ASTN2: variants seen among roughly 807,000 people sequenced by gnomAD.
ASTN2 encodes astrotactin-2.
In ASTN2, 54 loss-of-function variants were observed where a neutral mutation model predicts 139.8. The ratio of observed to expected loss-of-function variants is 0.39; its 90% confidence interval spans 0.31 to 0.48. The LOEUF (loss-of-function observed/expected upper bound fraction) is 0.48. Among genes scored for constraint, ASTN2 ranks in the 20% least tolerant of loss-of-function variants. The probability of loss-of-function intolerance (pLI) is 0.95; values close to 1 mark genes in which losing one functional copy is unlikely to be tolerated. For missense variants in ASTN2, 1,565 were observed against 1,725.1 expected (o/e 0.91, Z 1.64); for synonymous variants, 756 against 719.5 (o/e 1.05, Z -0.81).
chr9:116,768,828 T>C lies in ASTN2; in HGVS notation c.2397-35305A>G, dbSNP rs144502375. ...GACTATAAGAAATAAATTTATGTTG[T>C]TTATAGATTATCCAGTTTATGATAT... On this transcript the variant is annotated intron_variant, in intron 13 of 22. Coordinates refer to ENST00000313400, the MANE Select transcript of ASTN2 (RefSeq NM_001365068.1). Among the ~76,000 whole-genome samples the C allele has an allele frequency of 5.6e-3, 851 of 152,326 alleles. 10 individuals are homozygous for C. The highest frequency in any genetic ancestry group is 0.015 in the African/African-American group (607 of 41,570).
intron 1 of ASTN2, among the ~76,000 whole-genome samples, chr9:117,410,287 G>T (rs1290419318): frequency 6.6e-6 from 1 of 152,156 alleles, no homozygotes; most frequent in Non-Finnish European, 1.5e-5. Context: ...GACCCCGGGG[G>T]CTGCCTGGAG....
chr9:116,804,909 A>G (rs1282150135), intron 13 of ASTN2, among the ~76,000 whole-genome samples: 2 of 150,372 alleles, frequency 1.3e-5, no homozygotes, highest in African/African-American at 4.9e-5. Flanking sequence ...TCACTCTACT[A>G]GCTTATGGTT....
chr9:116,751,845 T>A (rs562561223), intron 13 of ASTN2, among the ~76,000 whole-genome samples: 1 of 152,112 alleles, frequency 6.6e-6, no homozygotes, highest in Non-Finnish European at 1.5e-5. Flanking sequence ...AAAACTCTGA[T>A]GAAGGAAATA....
intron 1 of ASTN2, among the ~76,000 whole-genome samples, chr9:117,314,003 A>G (rs778081263): frequency 6.6e-6 from 1 of 152,176 alleles, no homozygotes; most frequent in Non-Finnish European, 1.5e-5. Context: ...TGTGCAAAAC[A>G]AAAGCATTAT....
At chr9:116,532,749 G>T (rs907426751) in intron 19 of ASTN2, among the ~76,000 whole-genome samples, 4 of 152,194 alleles carry the variant, frequency 2.6e-5, no homozygotes, top group Admixed American at 6.5e-5. Flanking sequence ...GTACTATGCT[G>T]TTTTGGTTAC....
chr9:116,978,520 C>CAG (rs747930407), intron 7 of ASTN2, among the ~76,000 whole-genome samples: 3,067 of 146,384 alleles, frequency 0.021, 41 homozygotes, highest in Middle Eastern at 0.045. Context: ...CACACACACA[C>CAG]ACAGAGAGAT....
chr9:117,118,789 A>G (rs1025645869), intron 4 of ASTN2, among the ~76,000 whole-genome samples: 1 of 152,082 alleles, frequency 6.6e-6, no homozygotes, highest in Non-Finnish European at 1.5e-5. Flanking sequence ...TTCTTGTCTC[A>G]GGGTCATAAT....
chr9:116,669,848 C>A (rs1859085364), intron 16 of ASTN2, among the ~76,000 whole-genome samples: 1 of 151,434 alleles, frequency 6.6e-6, no homozygotes, highest in Admixed American at 6.6e-5. Flanking sequence ...CTCTGTCACC[C>A]AGTCTGGAAT....
chr9:117,247,395 A>C (rs566979641), intron 2 of ASTN2, among the ~76,000 whole-genome samples: 1 of 152,238 alleles, frequency 6.6e-6, no homozygotes, highest in Admixed American at 6.5e-5. Context: ...AGTCCCCAGG[A>C]ATGGGAGACA....
At chr9:116,541,784 A>G (rs1388695408) in intron 19 of ASTN2, among the ~76,000 whole-genome samples, 2 of 152,224 alleles carry the variant, frequency 1.3e-5, no homozygotes, top group Non-Finnish European at 2.9e-5. Flanking sequence ...TCAGCTCTCA[A>G]TAAAGACATC....
intron 17 of ASTN2, among the ~76,000 whole-genome samples, chr9:116,634,534 G>A (rs1439834767): frequency 6.8e-6 from 1 of 147,190 alleles, no homozygotes; most frequent in East Asian, 2.0e-4. Context: ...AGCTTGCAGT[G>A]AGCCGAGATC....
intron 19 of ASTN2, among the ~76,000 whole-genome samples, chr9:116,494,213 G>T (rs1188103182): frequency 6.6e-6 from 1 of 152,080 alleles, no homozygotes; most frequent in Admixed American, 6.6e-5. Flanking sequence ...TAGTTTTGAA[G>T]CCAGACCTAC....
At chr9:117,233,667 T>C (rs938992488) in intron 2 of ASTN2, among the ~76,000 whole-genome samples, 4 of 152,098 alleles carry the variant, frequency 2.6e-5, no homozygotes, top group Non-Finnish European at 5.9e-5. Flanking sequence ...CTAAAATAAT[T>C]AGCTTGAATT....
intron 10 of ASTN2, among the ~76,000 whole-genome samples, chr9:116,954,097 C>A (rs1242108860): frequency 6.6e-6 from 1 of 152,102 alleles, no homozygotes; most frequent in Non-Finnish European, 1.5e-5. Flanking sequence ...TGTTATTCAA[C>A]TCTTATTATG....
At chr9:116,755,403 T>G (rs1170230921) in intron 13 of ASTN2, among the ~76,000 whole-genome samples, 2 of 152,108 alleles carry the variant, frequency 1.3e-5, no homozygotes, top group Admixed American at 1.3e-4. Context: ...CCTAATCCAA[T>G]CTGACTGGTG....
intron 1 of ASTN2, among the ~76,000 whole-genome samples, chr9:117,299,144 G>C (rs1834812467): frequency 6.6e-6 from 1 of 151,888 alleles, no homozygotes; most frequent in East Asian, 1.9e-4. Flanking sequence ...TAAACAGCTG[G>C]AAAAAAAATA....
intron 10 of ASTN2, among the ~76,000 whole-genome samples, chr9:116,952,677 C>G (rs1232745394): frequency 2.0e-5 from 3 of 152,134 alleles, no homozygotes. Flanking sequence ...TCAATTTGCT[C>G]CATCATGTTA....
chr9:117,089,647 A>G (rs1828654138), intron 5 of ASTN2, among the ~76,000 whole-genome samples: 1 of 151,864 alleles, frequency 6.6e-6, no homozygotes, highest in Non-Finnish European at 1.5e-5. Context: ...TATACACTGT[A>G]CCCTATTTGT....
chr9:116,739,124 T>C (rs1443850982), intron 13 of ASTN2, among the ~76,000 whole-genome samples: 2 of 152,272 alleles, frequency 1.3e-5, no homozygotes, highest in Non-Finnish European at 2.9e-5. Context: ...GATTCTAAAA[T>C]AGTAGATCTT....
Sources: gnomAD v4.1 joint callset for allele counts (sites outside exome capture counted in the v4.1 genomes callset) on GRCh38, gnomAD v4.1.1 for gene constraint, MANE v1.5 for transcripts, NCBI Gene and HGNC (gene_info 2026-07-23, HGNC 2026-07-21) for gene names.